CHSY3: variants seen among roughly 807,000 people sequenced by gnomAD.
The protein encoded by CHSY3 is N-acetylgalactosaminyl-proteoglycan 3-beta-glucuronosyltransferase 3.
Under a neutral mutation model 67.2 loss-of-function variants are expected in CHSY3, and 35 were observed. The observed-to-expected ratio is 0.52, with a 90% CI of 0.40 to 0.69. The LOEUF (loss-of-function observed/expected upper bound fraction) is 0.69, where lower values mean the gene tolerates loss of function less well. CHSY3 is among the 30% of genes least tolerant of loss of function. The probability of loss-of-function intolerance (pLI) is 0.00; values close to 1 mark genes in which losing one functional copy is unlikely to be tolerated. For synonymous variants in CHSY3, 474 were observed against 434.7 expected, an observed-to-expected ratio of 1.09 and a Z score of -1.12; for missense variants, 1,069 against 1,138.5, an observed-to-expected ratio of 0.94 and a Z score of 0.88.
chr5:129,990,949 C>T (rs941008265), intron 2 of CHSY3, among the ~76,000 whole-genome samples: 1 of 151,972 alleles, frequency 6.6e-6, no homozygotes, highest in Non-Finnish European at 1.5e-5. Flanking sequence ...GAGGTGACAC[C>T]TAGGATAAGA....
intron 2 of CHSY3, among the ~76,000 whole-genome samples, chr5:130,175,408 T>C (rs1351923699): frequency 6.6e-6 from 1 of 152,118 alleles, no homozygotes; most frequent in East Asian, 1.9e-4. Context: ...GAAGAATCAA[T>C]ATGGTGAAAA....
At chr5:130,166,677 A>AT (rs1380915915) in intron 2 of CHSY3, among the ~76,000 whole-genome samples, 1 of 152,112 alleles carries the variant, frequency 6.6e-6, no homozygotes, top group Non-Finnish European at 1.5e-5. Flanking sequence ...TAATTAGGAT[A>AT]TTTTTTCCTA....
intron 2 of CHSY3, among the ~76,000 whole-genome samples, chr5:130,110,772 G>A (rs1394251492): frequency 1.3e-5 from 2 of 151,796 alleles, no homozygotes; most frequent in Non-Finnish European, 2.9e-5. Context: ...AAACTGTGCA[G>A]CATTATAAGA....
intron 2 of CHSY3, among the ~76,000 whole-genome samples, chr5:129,909,711 TC>T (rs1581355199): frequency 3.3e-5 from 5 of 152,010 alleles, no homozygotes; most frequent in Non-Finnish European, 5.9e-5. Context: ...AAATATTTCT[TC>T]CTTTGTTATA....
intron 2 of CHSY3, among the ~76,000 whole-genome samples, chr5:129,978,771 A>C (rs1327627519): frequency 1.3e-5 from 2 of 152,148 alleles, no homozygotes; most frequent in Non-Finnish European, 2.9e-5. Flanking sequence ...AAAGTATTTT[A>C]ATCTACCCGA....
chr5:130,111,133 T>C (rs1287688285), intron 2 of CHSY3, among the ~76,000 whole-genome samples: 1 of 152,094 alleles, frequency 6.6e-6, no homozygotes, highest in Admixed American at 6.6e-5. Flanking sequence ...GCTCAAATCC[T>C]ATTTGCCAGC....
chr5:130,122,913 G>A (rs905336557), intron 2 of CHSY3, among the ~76,000 whole-genome samples: 5 of 152,098 alleles, frequency 3.3e-5, no homozygotes, highest in Non-Finnish European at 5.9e-5. Context: ...TCTCACTTCA[G>A]TTGTCCAGAG....
At position 129,905,042 on chromosome 5, in the gene CHSY3, G is replaced by A. The variant is rs1429472873; in HGVS notation, c.213G>A (p.Arg71=). ...TCCCCCAGCCCCAGTCCCGACCACG[G>A]CAGGAGCAGTCGCCGCCCCCCGCGC... ...QPLPQPQSRP[R]QEQSPPPARQ... The change falls in exon 1 of 3, where the codon CGG becomes CGA. Residue 71 remains arginine, a synonymous_variant. Coordinates refer to ENST00000305031, the MANE Select transcript of CHSY3 (RefSeq NM_175856.5). 1.9e-6 allele frequency: 3 copies of A among 1,553,758 alleles called. No homozygotes were observed. Among genetic ancestry groups the A allele is most frequent in the Non-Finnish European group, 1.7e-6 (2 of 1,156,384 alleles).
At chr5:130,012,211 G>A (rs1276923565) in intron 2 of CHSY3, among the ~76,000 whole-genome samples, 6 of 152,148 alleles carry the variant, frequency 3.9e-5, no homozygotes, top group African/African-American at 1.2e-4. Context: ...AAATGCTGCC[G>A]TAAGCAAAAC....
In CHSY3 at chr5:130,100,447, G is replaced by A. The variant is rs187403543; in HGVS notation, c.1087-83782G>A. Among the ~76,000 whole-genome samples the A allele has an allele frequency of 2.4e-3, 365 of 151,020 alleles. 5 individuals are homozygous for A. Among genetic ancestry groups the A allele is most frequent in the Non-Finnish European group, 7.2e-4 (49 of 67,860 alleles). ...CCTGACCTTGTGATCCGCCCGCCTCGGCCTCCCAAAGTTGAGGAGTTAGAT... is the reference window on the plus strand; with the variant it reads ...CCTGACCTTGTGATCCGCCCGCCTCAGCCTCCCAAAGTTGAGGAGTTAGAT... On this transcript the variant is annotated intron_variant, in intron 2 of 2. Transcript: ENST00000305031.
intron 2 of CHSY3, among the ~76,000 whole-genome samples, chr5:130,061,793 T>C (rs74972036): frequency 0.084 from 12,809 of 151,902 alleles, 1,761 homozygotes; most frequent in African/African-American, 0.29. Flanking sequence ...AAAAAACACA[T>C]GAGACAATGT....
chr5:129,963,448 T>C (rs1408782148), intron 2 of CHSY3, among the ~76,000 whole-genome samples: 1 of 152,050 alleles, frequency 6.6e-6, no homozygotes, highest in Non-Finnish European at 1.5e-5. Context: ...CTTCCCCTCA[T>C]GGGACTGGTA....
At chr5:129,983,177 G>T (rs1005770372) in intron 2 of CHSY3, among the ~76,000 whole-genome samples, 1 of 151,956 alleles carries the variant, frequency 6.6e-6, no homozygotes, top group Non-Finnish European at 1.5e-5. Flanking sequence ...ATTTTAACTC[G>T]TGTCTTTGCT....
chr5:130,113,906 TAA>T (rs1361231144), intron 2 of CHSY3, among the ~76,000 whole-genome samples: 1 of 152,184 alleles, frequency 6.6e-6, no homozygotes, highest in Non-Finnish European at 1.5e-5. Context: ...AATAATTCCT[TAA>T]ATTATACTCC....
intron 2 of CHSY3, among the ~76,000 whole-genome samples, chr5:130,159,191 A>G (rs1580789104): frequency 1.7e-5 from 2 of 115,828 alleles, no homozygotes; most frequent in South Asian, 5.5e-4. Flanking sequence ...TTGAGACAGG[A>G]TCTACTCTGT....
intron 2 of CHSY3, among the ~76,000 whole-genome samples, chr5:130,171,523 A>G (rs535489612): frequency 3.3e-5 from 5 of 152,176 alleles, no homozygotes; most frequent in Non-Finnish European, 7.3e-5. Flanking sequence ...TGAGAAATCT[A>G]TATCAATGAT....
At position 129,908,259 on chromosome 5, in the gene CHSY3, A is replaced by G. The variant is rs752938410; in HGVS notation, c.985A>G (p.Ile329Val). The G allele has an allele frequency of 2.4e-5, 39 of 1,613,794 alleles. No individual in the cohort carries two copies. The highest frequency in any genetic ancestry group is 3.1e-5 in the Non-Finnish European group (37 of 1,179,962). Residue 329 changes from isoleucine to valine, a missense_variant, in exon 2 of 3, where the codon ATT becomes GTT. Physicochemically the swap from Ile to Val is conservative, Grantham distance 29 (BLOSUM62 3). Around this residue, in one of 5 missense-constraint regions of CHSY3, gnomAD observed 216 missense variants for 311.5 expected, o/e 0.69. Transcript: ENST00000305031. ...AGTTCTCAGGAGGATGGTGCCACAT[A>G]TTGGTGAATGCCTTAGAGAAATGTA... ...REVLRRMVPH[I>V]GECLREMYTT...
At chr5:129,933,730 C>T (rs1386717243) in intron 2 of CHSY3, among the ~76,000 whole-genome samples, 2 of 152,108 alleles carry the variant, frequency 1.3e-5, no homozygotes, top group East Asian at 3.9e-4. Context: ...ACCCTACACT[C>T]ATTTAACATT....
At chr5:129,974,182 C>T (rs899243741) in intron 2 of CHSY3, among the ~76,000 whole-genome samples, 2 of 152,066 alleles carry the variant, frequency 1.3e-5, no homozygotes, top group African/African-American at 4.8e-5. Flanking sequence ...GGAAGGGATG[C>T]CTTTGAGCTG....
Sources: gnomAD v4.1 joint callset for allele counts (sites outside exome capture counted in the v4.1 genomes callset) on GRCh38, gnomAD v4.1.1 for gene constraint, gnomAD v4.1.1 regional missense constraint, MANE v1.5 for transcripts, NCBI Gene and HGNC (gene_info 2026-07-23, HGNC 2026-07-21) for gene names.